Variants in LEPR observed in about 807,000 individuals in gnomAD.
The protein encoded by LEPR is OB receptor.
In LEPR, 56 loss-of-function variants were observed where a neutral mutation model predicts 114.7. The ratio of observed to expected loss-of-function variants is 0.49; its 90% CI spans 0.39 to 0.61. The LOEUF is 0.61. LEPR is among the 20% of genes least tolerant of loss of function. The pLI is 0.00. For synonymous variants in LEPR, 443 were observed against 461.4 expected (o/e 0.96, Z 0.51); for missense variants, 1,202 against 1,352.9 (o/e 0.89, Z 1.75).
intron 2 of LEPR, among the ~76,000 whole-genome samples, chr1:65,538,355 A>G (rs1650924919): frequency 6.6e-6 from 1 of 151,922 alleles, no homozygotes; most frequent in South Asian, 2.1e-4. Flanking sequence ...TTTGGGGGCC[A>G]TCTATACTAC....
In LEPR at chr1:65,633,340, A is replaced by C; in HGVS notation, c.2674-2851A>C. ...TATGTTGATTTAGAACTTAAAATAGATGTGTAAATTTGGGTTCAAAATGTA... is the reference window on the plus strand; with the variant it reads ...TATGTTGATTTAGAACTTAAAATAGCTGTGTAAATTTGGGTTCAAAATGTA... On this transcript the variant is annotated intron_variant, in intron 19 of 19. Transcript: ENST00000349533. This position sits in a 1 kb window ranked among gnomAD's most constrained non-coding sequence, Gnocchi z 4.1. The C allele has an allele frequency of 7.4e-7, 1 of 1,347,986 alleles. No individual in the cohort carries two copies. The highest frequency in any genetic ancestry group is 2.2e-5 in the South Asian group (1 of 45,410). The allele number at this position is 1,347,986 out of a possible 1,614,324, so 83.5% of individuals were successfully genotyped here.
At chr1:65,495,146 T>G (rs1648086662) in intron 2 of LEPR, among the ~76,000 whole-genome samples, 1 of 152,000 alleles carries the variant, frequency 6.6e-6, no homozygotes, top group Non-Finnish European at 1.5e-5. Context: ...TAGGAGAAAA[T>G]GTTTGCAACC....
At chr1:65,521,522 C>T (rs11587159) in intron 2 of LEPR, among the ~76,000 whole-genome samples, 5 of 152,058 alleles carry the variant, frequency 3.3e-5, no homozygotes, top group African/African-American at 9.7e-5. Flanking sequence ...AAGACTGTCA[C>T]GGTGTCTTCT....
intron 7 of LEPR, 56 bp downstream of exon 7, chr1:65,596,649 T>C: frequency 6.6e-7 from 1 of 1,503,792 alleles, no homozygotes. Context: ...AAGACCCTCT[T>C]AAGTCCCATA....
chr1:65,626,749 T>G (rs1490046682), intron 19 of LEPR, among the ~76,000 whole-genome samples: 1 of 152,062 alleles, frequency 6.6e-6, no homozygotes, highest in African/African-American at 2.4e-5. Flanking sequence ...GCTCAACTGA[T>G]CCTCCCACCT....
intron 6 of LEPR, 29 bp downstream of exon 6, chr1:65,592,894 A>G (rs1466813590): frequency 3.1e-6 from 5 of 1,608,972 alleles, no homozygotes; most frequent in Non-Finnish European, 3.4e-6. Context: ...TGATGATAAT[A>G]GGTCTAAACA....
chr1:65,467,576 G>A (rs1263403575), intron 2 of LEPR, among the ~76,000 whole-genome samples: 5 of 152,194 alleles, frequency 3.3e-5, no homozygotes, highest in Non-Finnish European at 5.9e-5. Context: ...AGAGCTGTCA[G>A]ATAGGGACGT....
At chr1:65,599,410 C>T (rs986394304) in intron 8 of LEPR, among the ~76,000 whole-genome samples, 4 of 152,110 alleles carry the variant, frequency 2.6e-5, no homozygotes, top group African/African-American at 9.7e-5. Flanking sequence ...GTTGTCCGAT[C>T]TGTCAAAAGG....
intron 5 of LEPR, among the ~76,000 whole-genome samples, chr1:65,584,231 G>C (rs1655177082): frequency 6.6e-6 from 1 of 151,938 alleles, no homozygotes. Context: ...TATAACACTG[G>C]AATTAGCCAT....
At chr1:65,430,181 C>T (rs1646459077) in intron 2 of LEPR, 2 of 754,350 alleles carry the variant, frequency 2.7e-6, no homozygotes, top group Non-Finnish European at 3.9e-6. Flanking sequence ...TTCTCTGTTC[C>T]TCTACTTTAG....
chr1:65,463,507 C>A (rs915149128), intron 2 of LEPR, among the ~76,000 whole-genome samples: 1 of 152,100 alleles, frequency 6.6e-6, no homozygotes, highest in African/African-American at 2.4e-5. Flanking sequence ...GCTATGTGGG[C>A]TCTTTTTTGG....
intron 8 of LEPR, among the ~76,000 whole-genome samples, chr1:65,599,902 C>T (rs1379842325): frequency 6.6e-6 from 1 of 151,822 alleles, no homozygotes; most frequent in African/African-American, 2.4e-5. Context: ...TAAATTTATC[C>T]AGTGTAAATT....
At chr1:65,528,133 T>C (rs1436075683) in intron 2 of LEPR, among the ~76,000 whole-genome samples, 4 of 148,026 alleles carry the variant, frequency 2.7e-5, no homozygotes, top group Non-Finnish European at 4.5e-5. Context: ...TTCTGGGAGG[T>C]CTTGGAAATA....
chr1:65,624,212 GT>G (rs1658056553), intron 19 of LEPR, among the ~76,000 whole-genome samples: 2 of 152,264 alleles, frequency 1.3e-5, no homozygotes, highest in Admixed American at 1.3e-4. Flanking sequence ...TTATTAGGTT[GT>G]TTGCGGGACT....
At chr1:65,448,444 TG>T (rs1646739561) in intron 2 of LEPR, among the ~76,000 whole-genome samples, 1 of 152,226 alleles carries the variant, frequency 6.6e-6, no homozygotes. Flanking sequence ...TTGAGGATTT[TG>T]CATCCGTGTT....
At chr1:65,601,326 G>T in intron 8 of LEPR, 66 bp from the exon 9 acceptor site, 1 of 1,566,032 alleles carries the variant, frequency 6.4e-7, no homozygotes, top group Non-Finnish European at 8.7e-7. Flanking sequence ...AATATTTTTC[G>T]ATGTGGTACA....
At chr1:65,573,744 G>A (rs561522937) in intron 5 of LEPR, among the ~76,000 whole-genome samples, 3 of 152,274 alleles carry the variant, frequency 2.0e-5, no homozygotes, top group African/African-American at 7.2e-5. Context: ...AAGTAAAGCG[G>A]GGCTGAGAGG....
chr1:65,421,180 C>A, intron 1 of LEPR: 1 of 779,932 alleles, frequency 1.3e-6, no homozygotes, highest in Non-Finnish European at 1.9e-6. Flanking sequence ...CCTCTTTTTC[C>A]TAATGATTTT....
At chr1:65,440,582 G>A (rs10889553) in intron 2 of LEPR, among the ~76,000 whole-genome samples, 19,353 of 152,128 alleles carry the variant, frequency 0.13, 2,326 homozygotes, top group African/African-American at 0.32. Flanking sequence ...AGGCAGTTAT[G>A]GAGGCGGCAA....
Sources: allele counts gnomAD v4.1 joint callset (sites outside exome capture counted in the v4.1 genomes callset), GRCh38; gene constraint gnomAD v4.1.1; non-coding constraint Gnocchi (gnomAD v3.1); transcripts MANE v1.5; gene names NCBI Gene and HGNC (gene_info 2026-07-23, HGNC 2026-07-21).